The following ACTR3 variants were observed in gnomAD, a reference collection of about 807,000 sequenced individuals.
The protein encoded by ACTR3 is actin related protein 3.
ACTR3 carries 12 observed loss-of-function variants against 56.8 expected under a neutral mutation model. The observed-to-expected ratio is 0.21, with a 90% CI of 0.14 to 0.34. ACTR3 has a LOEUF of 0.34. Among genes scored for constraint, ACTR3 ranks in the 10% least tolerant of loss-of-function variants. The pLI, the probability that ACTR3 is intolerant of heterozygous loss-of-function variation, is 1.00. For synonymous variants in ACTR3, 162 were observed against 167.4 expected (o/e 0.97, Z 0.25); for missense variants, 282 against 512.5 (o/e 0.55, Z 4.34).
chr2:113,930,022 G>A (rs1324437591), intron 4 of ACTR3, among the ~76,000 whole-genome samples: 2 of 152,112 alleles, frequency 1.3e-5, no homozygotes, highest in African/African-American at 2.4e-5. Context: ...GGGTGTGTAC[G>A]ATTTTTCATT....
chr2:113,936,741 G>A (rs538908956), intron 6 of ACTR3, among the ~76,000 whole-genome samples: 61 of 152,246 alleles, frequency 4.0e-4, no homozygotes, highest in Non-Finnish European at 8.2e-4. Context: ...TCACAGGTCT[G>A]GAGGTTAGAA....
In ACTR3 at chr2:113,961,110, A is replaced by G. The variant is rs1219505585; in HGVS notation, c.*3655A>G. 6.6e-6 allele frequency: 1 copy of G among 151,900 alleles called. No homozygotes were observed. Among genetic ancestry groups the G allele is most frequent in the Non-Finnish European group, 1.5e-5 (1 of 67,888 alleles). The allele number at this position is 151,900 out of a possible 1,614,324, so 9.4% of individuals were successfully genotyped here. On this transcript the variant is annotated 3_prime_UTR_variant, in exon 12 of 12. Coordinates refer to ENST00000263238, the MANE Select transcript of ACTR3 (RefSeq NM_005721.5). Reference sequence around the variant, plus strand: ...CAGTGAAAAAGAATTTCTGCTACTCATTGTTGATAACGCTTCAGTACTGTA... The same window carrying G: ...CAGTGAAAAAGAATTTCTGCTACTCGTTGTTGATAACGCTTCAGTACTGTA...
Position 113,958,600 on chromosome 2 carries a change from T to G in ACTR3, c.*1145T>G, listed in dbSNP as rs1680265831. ...ATTAAAACTGAATTACCTTTTCTAATGTTTTTTTTTTTTAAGTAATGTAAT... is the reference window on the plus strand; with the variant it reads ...ATTAAAACTGAATTACCTTTTCTAAGGTTTTTTTTTTTTAAGTAATGTAAT... On this transcript the variant is annotated 3_prime_UTR_variant, in exon 12 of 12. Transcript: ENST00000263238. The G allele has an allele frequency of 7.8e-6, 1 of 127,766 alleles. No homozygotes were observed. Among genetic ancestry groups the G allele is most frequent in the Non-Finnish European group, 1.5e-5 (1 of 65,842 alleles). The allele number at this position is 127,766 out of a possible 1,614,324, so 7.9% of individuals were successfully genotyped here.
rs1439469468 is a variant in ACTR3, at chr2:113,961,687, T to TA, written c.*4235dup. 6.6e-6 allele frequency: 1 copy of TA among 152,024 alleles called. No individual in the cohort carries two copies. The highest frequency in any genetic ancestry group is 2.4e-5 in the African/African-American group (1 of 41,446). 9.4% of individuals were successfully genotyped at this position (152,024 alleles called of 1,614,324 possible). On this transcript the variant is annotated 3_prime_UTR_variant, in exon 12 of 12. Transcript: ENST00000263238. ...TTCAAGTACTGTGCATAAAGATGAA[T>TA]AAATATTCTGTCCTTGGCTTAGTCT...
At chr2:113,952,939 T>TC (rs1208788693) in intron 10 of ACTR3, 1 of 152,124 alleles carries the variant, frequency 6.6e-6, no homozygotes, top group East Asian at 1.9e-4. Flanking sequence ...AAAAAAGAAG[T>TC]CATTGGGTTT....
intron 2 of ACTR3, among the ~76,000 whole-genome samples, chr2:113,914,108 A>G: frequency 1.3e-3 from 1 of 778 alleles, no homozygotes; most frequent in East Asian, 0.25. Context: ...TTTCATTGTT[A>G]TTCATTATGA....
chr2:113,897,789 A>G (rs1679037424), intron 1 of ACTR3, among the ~76,000 whole-genome samples: 1 of 152,068 alleles, frequency 6.6e-6, no homozygotes, highest in African/African-American at 2.4e-5. Flanking sequence ...GGCCAGATGT[A>G]TTCTTTCAGC....
At chr2:113,925,339 G>A (rs1679598233) in intron 3 of ACTR3, among the ~76,000 whole-genome samples, 1 of 151,506 alleles carries the variant, frequency 6.6e-6, no homozygotes, top group Non-Finnish European at 1.5e-5. Context: ...GGGATTATAG[G>A]CATGCACCAC....
At position 113,890,436 on chromosome 2, in the gene ACTR3, A is replaced by T. The variant is rs568805114; in HGVS notation, c.44+113A>T. ...CGGCGAGGTGCCGCCGCCGGCTGTCAGTCCTAGACCCGCCGGCCAGCGAGG... is the reference window on the plus strand; with the variant it reads ...CGGCGAGGTGCCGCCGCCGGCTGTCTGTCCTAGACCCGCCGGCCAGCGAGG... On this transcript the variant is annotated intron_variant, in intron 1 of 11. Coordinates refer to ENST00000263238, the MANE Select transcript of ACTR3 (RefSeq NM_005721.5). 3 of 1,330,474 alleles carry T rather than the reference A, an allele frequency of 2.3e-6. No individual in the cohort carries two copies. In the East Asian group the frequency reaches 8.4e-5, roughly 37 times the overall value. 82.4% of individuals were successfully genotyped at this position (1,330,474 alleles called of 1,614,324 possible).
At chr2:113,921,389 T>G (rs1416827741) in intron 3 of ACTR3, among the ~76,000 whole-genome samples, 1 of 152,028 alleles carries the variant, frequency 6.6e-6, no homozygotes, top group African/African-American at 2.4e-5. Flanking sequence ...CTGTCAGATG[T>G]ACAGTTTGCG....
Position 113,923,658 on chromosome 2 carries a change from G to A in ACTR3, c.226-3687G>A, listed in dbSNP as rs541788827. Among the ~76,000 whole-genome samples the A allele has an allele frequency of 8.6e-5, 13 of 151,582 alleles. No individual in the cohort carries two copies. In the South Asian group the frequency reaches 2.3e-3, roughly 27 times the overall value. On this transcript the variant is annotated intron_variant, in intron 3 of 11. Coordinates refer to ENST00000263238, the MANE Select transcript of ACTR3 (RefSeq NM_005721.5). ...CCTGTTTTGTTTGTTTTTATTTGTTGTTTCTATTGTCACTGATTTCTCCTT... is the reference window on the plus strand; with the variant it reads ...CCTGTTTTGTTTGTTTTTATTTGTTATTTCTATTGTCACTGATTTCTCCTT...
intron 1 of ACTR3, among the ~76,000 whole-genome samples, chr2:113,906,731 T>C (rs1350664960): frequency 2.6e-5 from 4 of 152,198 alleles, no homozygotes; most frequent in African/African-American, 4.8e-5. Context: ...CTGTCCTTTC[T>C]TCATCTTAGT....
At chr2:113,923,115 A>G (rs1240219249) in intron 3 of ACTR3, among the ~76,000 whole-genome samples, 2 of 152,046 alleles carry the variant, frequency 1.3e-5, no homozygotes, top group African/African-American at 4.8e-5. Context: ...CCAGAACAAA[A>G]CTTCTCTCAA....
chr2:113,904,670 A>C (rs1396596009), intron 1 of ACTR3: 1 of 152,212 alleles, frequency 6.6e-6, no homozygotes, highest in African/African-American at 2.4e-5. Flanking sequence ...TTGTTTTCGT[A>C]AGTGGCTGCA....
Position 113,890,225 on chromosome 2 carries a change from G to A in ACTR3, c.-55G>A, listed in dbSNP as rs1020736032. ...CCTTGTCTCCCGCCGCCAATCTCTG[G>A]CCCCTAGCAGCACGGAGCAGACGGC... is the stretch of plus-strand genomic sequence containing the variant. On this transcript the variant is annotated 5_prime_UTR_variant, in exon 1 of 12. Transcript: ENST00000263238. 1 of 1,550,654 alleles carries A rather than the reference G, an allele frequency of 6.4e-7. No homozygotes were observed.
Position 113,955,651 on chromosome 2 carries a change from C to T in ACTR3, c.1106C>T (p.Thr369Ile). ...KPKPIDVQVI[T>I]HHMQRYAVWF... is the part of the protein sequence containing the mutation. ...AAACCTATTGATGTACAAGTCATTACACACCACATGCAGCGATATGCAGTT... is the reference window on the plus strand; with the variant it reads ...AAACCTATTGATGTACAAGTCATTATACACCACATGCAGCGATATGCAGTT... Residue 369 changes from threonine to isoleucine, a missense_variant, in exon 11 of 12, where the codon ACA becomes ATA. Transcript: ENST00000263238. 2.5e-6 allele frequency: 4 copies of T among 1,613,396 alleles called. No individual in the cohort carries two copies. Among genetic ancestry groups the T allele is most frequent in the Non-Finnish European group, 3.4e-6 (4 of 1,179,442 alleles).
intron 3 of ACTR3, among the ~76,000 whole-genome samples, chr2:113,922,133 G>C (rs1033854803): frequency 2.6e-5 from 4 of 152,062 alleles, no homozygotes; most frequent in African/African-American, 9.7e-5. Context: ...TTGAGTGATA[G>C]GCCAGGAAAA....
chr2:113,900,641 A>T (rs1450193518), intron 1 of ACTR3, among the ~76,000 whole-genome samples: 2 of 152,182 alleles, frequency 1.3e-5, no homozygotes, highest in African/African-American at 4.8e-5. Context: ...AACCTCATGA[A>T]TTTAGTTTTA....
At chr2:113,893,588 A>G (rs1422021058) in intron 1 of ACTR3, among the ~76,000 whole-genome samples, 2 of 152,074 alleles carry the variant, frequency 1.3e-5, no homozygotes, top group African/African-American at 4.8e-5. Context: ...CACCGCGCCC[A>G]GCCTTAAAGG....
Sources: gnomAD v4.1 joint callset for allele counts (sites outside exome capture counted in the v4.1 genomes callset) on GRCh38, gnomAD v4.1.1 for gene constraint, MANE v1.5 for transcripts, NCBI Gene and HGNC (gene_info 2026-07-23, HGNC 2026-07-21) for gene names.